The following CYYR1 variants were observed in gnomAD, a reference collection of about 807,000 sequenced individuals.
CYYR1 encodes the protein cysteine and tyrosine-rich protein 1.
In CYYR1, 14 loss-of-function variants were observed where a neutral mutation model predicts 15.2. The ratio of observed to expected loss-of-function variants is 0.92; its 90% CI spans 0.61 to 1.44. The LOEUF is 1.44. Among genes scored for constraint, CYYR1 ranks in the 40% most tolerant of loss-of-function variants. CYYR1 has a pLI of 0.00. For missense variants in CYYR1, 228 were observed against 209.5 expected (o/e 1.09, Z -0.54); for synonymous variants, 80 against 77.4 (o/e 1.03, Z -0.18).
At chr21:26,535,062 A>G (rs151277403) in intron 2 of CYYR1, among the ~76,000 whole-genome samples, 227 of 152,180 alleles carry the variant, frequency 1.5e-3, no homozygotes, top group African/African-American at 4.8e-3. Flanking sequence ...TTCATTGGAA[A>G]TTCATCTCTT....
intron 2 of CYYR1, among the ~76,000 whole-genome samples, chr21:26,565,028 T>A (rs1980512703): frequency 6.6e-6 from 1 of 152,182 alleles, no homozygotes. Context: ...AAACCATCCA[T>A]GAAGAAAAAT....
intron 2 of CYYR1, among the ~76,000 whole-genome samples, chr21:26,544,474 G>GTTTATT (rs1569168595): frequency 1.3e-5 from 2 of 152,116 alleles, no homozygotes; most frequent in South Asian, 4.1e-4. Flanking sequence ...GGCAATAAAA[G>GTTTATT]GATTTATAAA....
intron 2 of CYYR1, among the ~76,000 whole-genome samples, chr21:26,537,695 T>C (rs903035077): frequency 7.2e-5 from 11 of 152,088 alleles, no homozygotes; most frequent in Admixed American, 2.6e-4. Flanking sequence ...TTCAGGCTGG[T>C]AAGTAGAAAG....
At chr21:26,532,440 A>T (rs964438069) in intron 2 of CYYR1, among the ~76,000 whole-genome samples, 18 of 152,162 alleles carry the variant, frequency 1.2e-4, no homozygotes, top group African/African-American at 4.3e-4. Context: ...GAAACATTTT[A>T]AAAAGCCATC....
Position 26,539,680 on chromosome 21 carries a change from C to T in CYYR1, c.176+26586G>A, listed in dbSNP as rs569443043. On this transcript the variant is annotated intron_variant, in intron 2 of 3. Transcript: ENST00000652641. ...CTCAACATACTTAGATCTCTATGTT[C>T]TCTAGTCTAAAACAGTTCCCAGTGG... is the stretch of plus-strand genomic sequence containing the variant. Among the ~76,000 whole-genome samples the T allele has an allele frequency of 2.5e-3, 388 of 152,262 alleles. 2 individuals are homozygous for T. Among genetic ancestry groups the T allele is most frequent in the Admixed American group, 4.0e-3 (61 of 15,284 alleles).
chr21:26,517,254 AGTAG>A (rs2123544224), intron 2 of CYYR1, among the ~76,000 whole-genome samples: 1 of 152,038 alleles, frequency 6.6e-6, no homozygotes, highest in East Asian at 1.9e-4. Flanking sequence ...GCAGCTCTAT[AGTAG>A]GATTAGTCAA....
At chr21:26,472,790 GTTATTCAT>G (rs1331847495) in intron 3 of CYYR1, among the ~76,000 whole-genome samples, 2 of 151,976 alleles carry the variant, frequency 1.3e-5, no homozygotes, top group Non-Finnish European at 2.9e-5. Flanking sequence ...AAAATATATA[GTTATTCAT>G]TTAAAAAATC....
intron 2 of CYYR1, among the ~76,000 whole-genome samples, chr21:26,515,006 T>C (rs2065705309): frequency 6.6e-6 from 1 of 152,266 alleles, no homozygotes; most frequent in Non-Finnish European, 1.5e-5. Flanking sequence ...CAATGTGGTA[T>C]GCATGATAGT....
chr21:26,570,571 C>T (rs1224380836), intron 1 of CYYR1, among the ~76,000 whole-genome samples: 2 of 152,184 alleles, frequency 1.3e-5, no homozygotes, highest in Admixed American at 1.3e-4. Flanking sequence ...CTCTATAGTA[C>T]AACATGATGC....
At chr21:26,539,556 T>C (rs1978401501) in intron 2 of CYYR1, among the ~76,000 whole-genome samples, 1 of 152,192 alleles carries the variant, frequency 6.6e-6, no homozygotes, top group African/African-American at 2.4e-5. Context: ...TAGTTTTCAT[T>C]CCCATTTTTG....
chr21:26,525,541 T>A (rs2065853152), intron 2 of CYYR1, among the ~76,000 whole-genome samples: 4 of 152,362 alleles, frequency 2.6e-5, no homozygotes, highest in Admixed American at 2.6e-4. Context: ...TTTCTATTCC[T>A]ATTTTTGGCC....
At chr21:26,518,362 G>A (rs1463460663) in intron 2 of CYYR1, among the ~76,000 whole-genome samples, 1 of 152,176 alleles carries the variant, frequency 6.6e-6, no homozygotes, top group African/African-American at 2.4e-5. Context: ...GGTCATGAAT[G>A]TCCTGCCCTG....
At chr21:26,557,304 C>T (rs1979860498) in intron 2 of CYYR1, among the ~76,000 whole-genome samples, 2 of 152,078 alleles carry the variant, frequency 1.3e-5, no homozygotes, top group African/African-American at 4.8e-5. Context: ...AGCTCCTAAA[C>T]CTAGATTATA....
chr21:26,562,006 A>G (rs139400398), intron 2 of CYYR1, among the ~76,000 whole-genome samples: 3 of 152,328 alleles, frequency 2.0e-5, no homozygotes, highest in East Asian at 1.9e-4. Flanking sequence ...GGGAATGCCA[A>G]TTAAATCTCA....
At chr21:26,482,905 T>C (rs144438925) in intron 2 of CYYR1, among the ~76,000 whole-genome samples, 1,735 of 152,126 alleles carry the variant, frequency 0.011, 31 homozygotes, top group African/African-American at 0.039. Flanking sequence ...AAAATATATA[T>C]ATTTTCCAGG....
chr21:26,561,469 T>A (rs1980196069), intron 2 of CYYR1, among the ~76,000 whole-genome samples: 2 of 152,218 alleles, frequency 1.3e-5, no homozygotes, highest in South Asian at 4.1e-4. Flanking sequence ...ATCTTTTAAC[T>A]CAGTTTTGCT....
chr21:26,533,772 G>T (rs2065962517), intron 2 of CYYR1, among the ~76,000 whole-genome samples: 1 of 152,100 alleles, frequency 6.6e-6, no homozygotes, highest in South Asian at 2.1e-4. Flanking sequence ...GTGTGCGTGT[G>T]TATGTATTTT....
At chr21:26,553,074 A>T (rs879133718) in intron 2 of CYYR1, among the ~76,000 whole-genome samples, 1 of 152,106 alleles carries the variant, frequency 6.6e-6, no homozygotes, top group African/African-American at 2.4e-5. Context: ...TCTTAATTTA[A>T]GAATGTCTTT....
At chr21:26,550,434 A>G (rs955049733) in intron 2 of CYYR1, 2 of 152,214 alleles carry the variant, frequency 1.3e-5, no homozygotes, top group African/African-American at 4.8e-5. Flanking sequence ...CTTGAAATCA[A>G]AAGCTAGAAA....
Sources: gnomAD v4.1 joint callset for allele counts (sites outside exome capture counted in the v4.1 genomes callset) on GRCh38, gnomAD v4.1.1 for gene constraint, MANE v1.5 for transcripts, NCBI Gene and HGNC (gene_info 2026-07-23, HGNC 2026-07-21) for gene names.